The following CEP135 variants were observed in gnomAD, a reference collection of about 807,000 sequenced individuals.
CEP135 encodes the protein centrosomal protein 135.
A neutral mutation model predicts 157.3 loss-of-function variants in CEP135; 142 were observed. The observed-to-expected ratio is 0.90, with a 90% CI of 0.79 to 1.04. The LOEUF is 1.04. Among genes scored for constraint, CEP135 ranks in the 50% least tolerant of loss-of-function variants. The pLI, the probability that CEP135 is intolerant of heterozygous loss-of-function variation, is 0.00. For synonymous variants in CEP135, 396 were observed against 439.8 expected, an observed-to-expected ratio of 0.90 and a Z score of 1.25; for missense variants, 1,317 against 1,309.2, an observed-to-expected ratio of 1.01 and a Z score of -0.09.
intron 18 of CEP135, among the ~76,000 whole-genome samples, chr4:56,009,135 C>A (rs1730470431): frequency 6.6e-6 from 1 of 152,096 alleles, no homozygotes; most frequent in Non-Finnish European, 1.5e-5. Flanking sequence ...CTCCTGGGCT[C>A]AAGCTATTCA....
chr4:55,988,378 G>A (rs1729670197), intron 14 of CEP135, among the ~76,000 whole-genome samples: 1 of 152,142 alleles, frequency 6.6e-6, no homozygotes, highest in African/African-American at 2.4e-5. Flanking sequence ...ATACATAATA[G>A]GCTGGGCATG....
chr4:56,006,256 G>C (rs987633438), intron 17 of CEP135, among the ~76,000 whole-genome samples: 2 of 151,974 alleles, frequency 1.3e-5, no homozygotes, highest in African/African-American at 4.8e-5. Flanking sequence ...GGCAATTTTT[G>C]TTCCTTTTTA....
At chr4:55,988,685 T>C (rs1577889113) in intron 14 of CEP135, among the ~76,000 whole-genome samples, 1 of 132,972 alleles carries the variant, frequency 7.5e-6, no homozygotes, top group South Asian at 2.4e-4. Context: ...TGGCTGGGCG[T>C]GGTGGCTCAC....
chr4:55,963,036 A>G (rs919851068), intron 6 of CEP135, among the ~76,000 whole-genome samples: 1 of 150,566 alleles, frequency 6.6e-6, no homozygotes, highest in Non-Finnish European at 1.5e-5. Flanking sequence ...TTTATTCTCT[A>G]CTTTGGTTGG....
chr4:55,999,719 G>T, intron 17 of CEP135, 74 bp downstream of exon 17: 1 of 1,428,038 alleles, frequency 7.0e-7, no homozygotes, highest in East Asian at 2.3e-5. Context: ...TTGAGATGGG[G>T]TCTCACTCTG....
intron 10 of CEP135, among the ~76,000 whole-genome samples, chr4:55,973,469 C>A (rs1480761439): frequency 6.6e-6 from 1 of 152,136 alleles, no homozygotes; most frequent in Non-Finnish European, 1.5e-5. Context: ...AGTCTTCTGG[C>A]CTCAGATTAA....
intron 14 of CEP135, among the ~76,000 whole-genome samples, chr4:55,989,749 A>G (rs1729722217): frequency 6.6e-6 from 1 of 152,242 alleles, no homozygotes; most frequent in African/African-American, 2.4e-5. Context: ...GTAAATTAAA[A>G]CAGTAAAATC....
intron 18 of CEP135, 140 bp from the exon 19 acceptor site, chr4:56,009,595 G>T: frequency 1.5e-6 from 1 of 648,686 alleles, no homozygotes; most frequent in Non-Finnish European, 2.5e-6. Context: ...TAATTAATAG[G>T]TCTCTTAATG....
At chr4:56,020,272 A>G (rs1255331774) in intron 23 of CEP135, among the ~76,000 whole-genome samples, 1 of 152,210 alleles carries the variant, frequency 6.6e-6, no homozygotes, top group African/African-American at 2.4e-5. Context: ...TTTTTAGAAT[A>G]GAAGGATTTA....
rs2109734413 is a variant in CEP135 at position 56,011,853 on chromosome 4, T to C, written c.2670T>C (p.Ala890=). 3 of 1,605,060 alleles carry C rather than the reference T, an allele frequency of 1.9e-6. No individual in the cohort carries two copies. Among genetic ancestry groups the C allele is most frequent in the South Asian group, 1.1e-5 (1 of 89,434 alleles). Residue 890 remains alanine, a synonymous_variant, in exon 21 of 26, where the codon GCT becomes GCC. Transcript: ENST00000257287. ...GATTTCAGATGCTTCATAACCGTGC[T>C]GAAGACTGGGAGGTCAAAGCCCATC... ...LDRFQMLHNR[A]EDWEVKAHQA...
intron 17 of CEP135, among the ~76,000 whole-genome samples, chr4:56,004,516 T>TACCATTATC (rs1324224722): frequency 2.0e-5 from 3 of 152,240 alleles, no homozygotes; most frequent in Admixed American, 2.0e-4. Flanking sequence ...TGAAGTCCCC[T>TACCATTATC]ACCATTATCG....
intron 6 of CEP135, among the ~76,000 whole-genome samples, chr4:55,961,203 C>G (rs1207015426): frequency 1.3e-5 from 2 of 151,398 alleles, no homozygotes; most frequent in Admixed American, 1.3e-4. Flanking sequence ...TTTAATATTA[C>G]TGGCATTTTT....
Position 56,030,013 on chromosome 4 carries a change from T to G in CEP135, c.*12-1347T>G, listed in dbSNP as rs529831379. On this transcript the variant is annotated intron_variant, in intron 25 of 25. Transcript: ENST00000257287. ...AATTAACCTTAGCTTACTGTAACTT[T>G]TTTCCTTTATAAACTTTTGTTTTAC... Among the ~76,000 whole-genome samples the G allele has an allele frequency of 3.9e-4, 59 of 152,378 alleles. No homozygotes were observed. The Middle Eastern group carries it at 0.017, about 44-fold the overall frequency.
intron 11 of CEP135, among the ~76,000 whole-genome samples, chr4:55,977,525 T>C (rs368049998): frequency 6.6e-5 from 10 of 152,332 alleles, no homozygotes; most frequent in African/African-American, 1.7e-4. Context: ...CTTGTGAAGA[T>C]TAAATGAGCT....
chr4:55,981,441 C>T, intron 13 of CEP135, 62 bp downstream of exon 13: 1 of 1,458,760 alleles, frequency 6.9e-7, no homozygotes, highest in Non-Finnish European at 9.1e-7. Context: ...TTTGTATATA[C>T]ATTTTCCTGT....
chr4:55,977,665 C>A (rs1299930293), intron 11 of CEP135, among the ~76,000 whole-genome samples: 9 of 152,282 alleles, frequency 5.9e-5, no homozygotes, highest in Admixed American at 4.6e-4. Flanking sequence ...TCCTCACCAA[C>A]TTATTTTTTT....
chr4:56,019,264 G>A, intron 22 of CEP135, 89 bp from the exon 23 acceptor site: 3 of 1,009,400 alleles, frequency 3.0e-6, no homozygotes, highest in Non-Finnish European at 4.3e-6. Flanking sequence ...TAGGTGAATA[G>A]TTCCACAGAG....
At chr4:56,012,245 G>A (rs1252221652) in intron 21 of CEP135, among the ~76,000 whole-genome samples, 1 of 151,958 alleles carries the variant, frequency 6.6e-6, no homozygotes, top group Non-Finnish European at 1.5e-5. Flanking sequence ...TAGTAGAGAT[G>A]GGGTTTCACC....
chr4:56,002,301 G>A lies in CEP135; in HGVS notation c.2280+2656G>A, dbSNP rs1425247846. Among the ~76,000 whole-genome samples, 4 of 151,986 alleles carry A rather than the reference G, an allele frequency of 2.6e-5. No homozygotes were observed. The East Asian group carries it at 7.7e-4, about 29-fold the overall frequency. On this transcript the variant is annotated intron_variant, in intron 17 of 25. Coordinates refer to ENST00000257287, the MANE Select transcript of CEP135 (RefSeq NM_025009.5). ...TATGTTAAATAAAAGTGTGAAAGTGGGCATCCTTGGCTTGTTCCAGATCTT... is the reference window on the plus strand; with the variant it reads ...TATGTTAAATAAAAGTGTGAAAGTGAGCATCCTTGGCTTGTTCCAGATCTT...
Sources: gnomAD v4.1 joint callset for allele counts (sites outside exome capture counted in the v4.1 genomes callset) on GRCh38, gnomAD v4.1.1 for gene constraint, MANE v1.5 for transcripts, NCBI Gene and HGNC (gene_info 2026-07-23, HGNC 2026-07-21) for gene names.